BSN: variants seen among roughly 807,000 people sequenced by gnomAD.
The protein encoded by BSN is protein bassoon.
In BSN, 57 loss-of-function variants were observed where a neutral mutation model predicts 264.8. The observed-to-expected ratio is 0.22, with a 90% CI of 0.17 to 0.27. BSN has a LOEUF of 0.27. Ranked by LOEUF, BSN falls within the 10% of genes least tolerant of loss-of-function variation. BSN has a pLI of 1.00. For missense variants in BSN, 4,615 were observed against 5,232.5 expected (o/e 0.88, Z 3.64); for synonymous variants, 2,059 against 2,137.3 (o/e 0.96, Z 1.01).
rs769523242 is a variant in BSN, at chr3:49,625,233, C to T, written c.483C>T (p.Ile161=). 4.9e-5 allele frequency: 78 copies of T among 1,589,690 alleles called. No individual in the cohort carries two copies. The highest frequency in any genetic ancestry group is 8.1e-5 in the African/African-American group (6 of 73,980). Residue 161 remains isoleucine (I), a synonymous_variant, in exon 2 of 12, where the codon ATC becomes ATT. Transcript: ENST00000296452. This position sits in a 1 kb window ranked among gnomAD's most constrained non-coding sequence, Gnocchi z 4.4. ...CATCACCCTACTCCGTCCCTCAGAT[C>T]GCCCCCCTTCCCAGCAGCACGCTGT... ...TPTSPYSVPQ[I]APLPSSTLCP...
intron 1 of BSN, among the ~76,000 whole-genome samples, chr3:49,598,634 C>T (rs1295792133): frequency 6.6e-6 from 1 of 151,982 alleles, no homozygotes; most frequent in Non-Finnish European, 1.5e-5. Context: ...CTATTTTGCC[C>T]AGGTTGGAGT....
intron 1 of BSN, among the ~76,000 whole-genome samples, chr3:49,607,931 G>C (rs974404387): frequency 2.0e-5 from 3 of 152,226 alleles, no homozygotes; most frequent in Admixed American, 1.3e-4. Context: ...CCAGGCCTTC[G>C]TGGCTGTTAC....
chr3:49,555,599 G>A (rs1380451463), intron 1 of BSN, among the ~76,000 whole-genome samples: 1 of 152,212 alleles, frequency 6.6e-6, no homozygotes, highest in Non-Finnish European at 1.5e-5. Context: ...TGTGAAACCA[G>A]TTTGTTTTAA....
At position 49,660,565 on chromosome 3, in the gene BSN, T is replaced by G; in HGVS notation, c.8720T>G (p.Leu2907Arg). 6.2e-7 allele frequency: 1 copy of G among 1,603,132 alleles called. No individual in the cohort carries two copies. Among genetic ancestry groups the G allele is most frequent in the Non-Finnish European group, 8.5e-7 (1 of 1,173,266 alleles). ...AGCCCCCCTCCAGAGGAGGCTCACC[T>G]TCCCCTGGCTGGCCAGGCCTCCCCA... ...LPSPPPEEAH[L>R]PLAGQASPQL... Residue 2907 changes from leucine (L) to arginine (R), a missense_variant, in exon 6 of 12, where the codon CTT becomes CGT. Physicochemically the swap from Leu to Arg is moderately radical, Grantham distance 102. Transcript: ENST00000296452. This position sits in a 1 kb window ranked among gnomAD's most constrained non-coding sequence, Gnocchi z 7.1.
chr3:49,583,000 G>C (rs2108017185), intron 1 of BSN, among the ~76,000 whole-genome samples: 1 of 134,172 alleles, frequency 7.5e-6, no homozygotes, highest in African/African-American at 2.9e-5. Flanking sequence ...ACAGGGTCTT[G>C]CTCTGTTCCC....
chr3:49,641,484 A>G (rs2052462603), intron 2 of BSN: 1 of 152,202 alleles, frequency 6.6e-6, no homozygotes, highest in South Asian at 2.1e-4. Context: ...GAGGGAAACT[A>G]TGTGTTTATC....
chr3:49,621,644 G>A lies in BSN; in HGVS notation c.225-3331G>A, dbSNP rs141486168. Among the ~76,000 whole-genome samples, 17 of 152,244 alleles carry A rather than the reference G, an allele frequency of 1.1e-4. No individual in the cohort carries two copies. The East Asian group carries it at 2.3e-3, about 21-fold the overall frequency. On this transcript the variant is annotated intron_variant, in intron 1 of 11. Transcript: ENST00000296452. ...CCTGAGTAATGTCTGTGGAGTGATG[G>A]GCAAAAGCCAGGTTGGAGGGGTAGG...
chr3:49,565,785 T>TTTTTAA (rs2051747909), intron 1 of BSN, among the ~76,000 whole-genome samples: 1 of 152,208 alleles, frequency 6.6e-6, no homozygotes, highest in African/African-American at 2.4e-5. Flanking sequence ...CCATATTTAA[T>TTTTTAA]TTTTCTTTAT....
At position 49,657,292 on chromosome 3, in the gene BSN, G is replaced by A; in HGVS notation, c.7736G>A (p.Arg2579Lys). 1.2e-6 allele frequency: 2 copies of A among 1,613,394 alleles called. No homozygotes were observed. Among genetic ancestry groups the A allele is most frequent in the Non-Finnish European group, 8.5e-7 (1 of 1,179,888 alleles). ...GGGACTGAGCCCTGTGTGGTCAGGA[G>A]GATTGCCGACAGCAGCGTGCAGACA... ...ESGTEPCVVRRIADSSVQTDD... is the reference protein window; with the variant it reads ...ESGTEPCVVRKIADSSVQTDD... The change falls in exon 5 of 12, where the codon AGG becomes AAG. Residue 2579 changes from arginine to lysine, a missense_variant. Physicochemically the swap from Arg to Lys is conservative, Grantham distance 26. Transcript: ENST00000296452.
At chr3:49,581,612 T>G (rs1174017864) in intron 1 of BSN, among the ~76,000 whole-genome samples, 2 of 151,780 alleles carry the variant, frequency 1.3e-5, no homozygotes, top group Non-Finnish European at 2.9e-5. Flanking sequence ...GATCACAAAG[T>G]CAGGAGATCG....
intron 1 of BSN, among the ~76,000 whole-genome samples, chr3:49,605,801 T>TTGTATAA (rs2052128797): frequency 1.3e-5 from 1 of 78,054 alleles, no homozygotes; most frequent in Non-Finnish European, 2.2e-5. Context: ...TAAATATATT[T>TTGTATAA]ATATATATAA....
At chr3:49,610,756 A>G (rs901122125) in intron 1 of BSN, among the ~76,000 whole-genome samples, 4 of 152,166 alleles carry the variant, frequency 2.6e-5, no homozygotes, top group African/African-American at 9.7e-5. Flanking sequence ...GGTCCCAGGC[A>G]GGGTTTCCCT....
In BSN at chr3:49,642,458, G is replaced by A; in HGVS notation, c.824G>A (p.Gly275Glu). 3 of 1,587,352 alleles carry A rather than the reference G, an allele frequency of 1.9e-6. No individual in the cohort carries two copies. The highest frequency in any genetic ancestry group is 1.7e-6 in the Non-Finnish European group (2 of 1,168,410). ...CGGGGCCCAGGAGGACCACAGCCTG[G>A]GTCCCGCCAGGCTGAGACAGCCAGG... ...RSRGPGGPQP[G>E]SRQAETARAT... Residue 275 changes from glycine (G) to glutamate (E), a missense_variant, in exon 3 of 12, where the codon GGG (glycine) becomes GAG (glutamate). Gly to Glu is a moderately conservative substitution (Grantham distance 98). Around this residue, in one of 3 missense-constraint regions of BSN, gnomAD observed 1,197 missense variants for 1,348.0 expected, o/e 0.89. Transcript: ENST00000296452. This position sits in a 1 kb window ranked among gnomAD's most constrained non-coding sequence, Gnocchi z 7.0.
chr3:49,648,159 A>G (rs1078341), intron 3 of BSN, among the ~76,000 whole-genome samples: 124,596 of 152,278 alleles, frequency 0.82, 51,341 homozygotes, highest in East Asian at 0.99. Context: ...AGAGCACTTA[A>G]CATTAGGTCT....
chr3:49,607,397 G>A (rs1035065486), intron 1 of BSN, among the ~76,000 whole-genome samples: 3 of 151,526 alleles, frequency 2.0e-5, no homozygotes, highest in South Asian at 4.2e-4. Context: ...TGGTGATTCA[G>A]GGCTGGGCTA....
chr3:49,602,677 C>T (rs1291070271), intron 1 of BSN, among the ~76,000 whole-genome samples: 2 of 152,060 alleles, frequency 1.3e-5, no homozygotes, highest in Non-Finnish European at 2.9e-5. Flanking sequence ...AACTTCTGAC[C>T]TCAAGTGATC....
downstream of BSN, among the ~76,000 whole-genome samples, chr3:49,672,338 T>C (rs2052790982): frequency 6.6e-6 from 1 of 152,202 alleles, no homozygotes; most frequent in African/African-American, 2.4e-5. Context: ...GTTCCTATTA[T>C]AAACAATGCT....
chr3:49,643,849 C>T (rs970117168), intron 3 of BSN, among the ~76,000 whole-genome samples: 4 of 152,194 alleles, frequency 2.6e-5, no homozygotes, highest in Admixed American at 6.5e-5. Context: ...CCATTCTCTC[C>T]GCAGCCCCTG....
At position 49,655,255 on chromosome 3, in the gene BSN, G is replaced by A. The variant is rs1212552992; in HGVS notation, c.5699G>A (p.Cys1900Tyr). Residue 1900 changes from cysteine to tyrosine, a missense_variant, in exon 5 of 12, where the codon TGC (cysteine) becomes TAC (tyrosine). Physicochemically the swap from Cys to Tyr is radical, Grantham distance 194 (BLOSUM62 -2). This residue lies in a region of BSN where 3,415 missense variants were observed against 3,866.4 expected (regional missense o/e 0.88). Coordinates refer to ENST00000296452, the MANE Select transcript of BSN (RefSeq NM_003458.4). Reference sequence around the variant, plus strand: ...ATGAGGCCTGAGAGCCAGCTGGCATGCTGTGACATGGTCTACAAGCTCCCC... The same window carrying A: ...ATGAGGCCTGAGAGCCAGCTGGCATACTGTGACATGGTCTACAAGCTCCCC... ...TGMRPESQLACCDMVYKLPFG... is the reference protein window; with the variant it reads ...TGMRPESQLAYCDMVYKLPFG... 6.2e-7 allele frequency: 1 copy of A among 1,613,138 alleles called. No individual in the cohort carries two copies. The highest frequency in any genetic ancestry group is 1.3e-5 in the African/African-American group (1 of 75,062).
Sources: gnomAD v4.1 joint callset for allele counts (sites outside exome capture counted in the v4.1 genomes callset) on GRCh38, gnomAD v4.1.1 for gene constraint, gnomAD v4.1.1 regional missense constraint, Gnocchi (gnomAD v3.1) non-coding constraint, MANE v1.5 for transcripts, NCBI Gene and HGNC (gene_info 2026-07-23, HGNC 2026-07-21) for gene names.